Variants in PLCB4 observed in about 807,000 individuals in gnomAD.
The protein encoded by PLCB4 is phospholipase C beta 4.
In PLCB4, 77 loss-of-function variants were observed where a neutral mutation model predicts 178.8. That is an observed-to-expected ratio of 0.43 (90% CI 0.36 to 0.52). The LOEUF (loss-of-function observed/expected upper bound fraction) is 0.52. Among genes scored for constraint, PLCB4 ranks in the 20% least tolerant of loss-of-function variants. The pLI, the probability that PLCB4 is intolerant of heterozygous loss-of-function variation, is 0.00. For missense variants in PLCB4, 1,024 were observed against 1,453.4 expected (o/e 0.70, Z 4.80); for synonymous variants, 496 against 490.8 (o/e 1.01, Z -0.14).
At chr20:9,206,943 C>T (rs997411295) in intron 2 of PLCB4, among the ~76,000 whole-genome samples, 4 of 151,996 alleles carry the variant, frequency 2.6e-5, no homozygotes, top group Non-Finnish European at 4.4e-5. Flanking sequence ...ATGGTGAAAC[C>T]CCATCTCTAC....
At chr20:9,151,524 A>T (rs1202282534) in intron 2 of PLCB4, among the ~76,000 whole-genome samples, 1 of 152,144 alleles carries the variant, frequency 6.6e-6, no homozygotes, top group Non-Finnish European at 1.5e-5. Flanking sequence ...TGGGTTTATC[A>T]GGGGTTTCCA....
At chr20:9,177,153 A>G (rs77573430) in intron 2 of PLCB4, among the ~76,000 whole-genome samples, 3,091 of 152,312 alleles carry the variant, frequency 0.02, 53 homozygotes, top group African/African-American at 0.03. Context: ...TACACAGGTC[A>G]TTGTGACACT....
rs189373867 is a variant in PLCB4, at chr20:9,426,142, A to G, written c.2524+2190A>G. ...AAAATGTTTTTTTTCCCCTAGGAAA[A>G]AAAAGAAACTCATCAATATACATCA... On this transcript the variant is annotated intron_variant, in intron 28 of 39. Transcript: ENST00000378473. Among the ~76,000 whole-genome samples the G allele has an allele frequency of 9.9e-5, 15 of 152,238 alleles. No individual in the cohort carries two copies. The East Asian group carries it at 2.7e-3, about 27-fold the overall frequency.
At chr20:9,305,889 C>T (rs1432543288) in intron 3 of PLCB4, among the ~76,000 whole-genome samples, 2 of 152,138 alleles carry the variant, frequency 1.3e-5, no homozygotes, top group Non-Finnish European at 2.9e-5. Context: ...TATCTTTTCT[C>T]TTCCTGCATC....
At chr20:9,347,843 C>T (rs1183371267) in intron 7 of PLCB4, among the ~76,000 whole-genome samples, 1 of 152,004 alleles carries the variant, frequency 6.6e-6, no homozygotes, top group Non-Finnish European at 1.5e-5. Flanking sequence ...GCGTGGTGGC[C>T]CATGCCTGTA....
chr20:9,305,960 T>TG (rs773958844), intron 3 of PLCB4, among the ~76,000 whole-genome samples: 11 of 152,222 alleles, frequency 7.2e-5, no homozygotes, highest in Non-Finnish European at 1.2e-4. Context: ...GAGGTATATT[T>TG]GGGGGTGTAT....
intron 20 of PLCB4, among the ~76,000 whole-genome samples, chr20:9,402,767 G>A (rs1364126157): frequency 6.6e-6 from 1 of 152,198 alleles, no homozygotes; most frequent in Non-Finnish European, 1.5e-5. Context: ...GAAGAAGTGA[G>A]ATGACCCTCT....
intron 25 of PLCB4, 111 bp from the exon 26 acceptor site, chr20:9,419,696 C>T (rs777359361): frequency 2.0e-5 from 15 of 758,794 alleles, no homozygotes; most frequent in Non-Finnish European, 3.3e-5. Flanking sequence ...TGCCTAAAAT[C>T]CTAGCTCCTG....
chr20:9,376,960 G>C (rs1023156996), intron 12 of PLCB4, among the ~76,000 whole-genome samples: 4 of 152,102 alleles, frequency 2.6e-5, no homozygotes, highest in Admixed American at 6.6e-5. Context: ...ATTTTAAAAG[G>C]ACCCATGATC....
intron 3 of PLCB4, among the ~76,000 whole-genome samples, chr20:9,228,231 C>G (rs2093890394): frequency 6.6e-6 from 1 of 152,088 alleles, no homozygotes; most frequent in Admixed American, 6.5e-5. Context: ...ATTATAGAAG[C>G]AATTTTGAAA....
chr20:9,078,294 T>C (rs2089972974), intron 1 of PLCB4, among the ~76,000 whole-genome samples: 1 of 152,148 alleles, frequency 6.6e-6, no homozygotes, highest in African/African-American at 2.4e-5. Context: ...CTATGTTTTT[T>C]TGAAATGATA....
At chr20:9,274,070 A>G (rs1457202255) in intron 3 of PLCB4, among the ~76,000 whole-genome samples, 1 of 152,086 alleles carries the variant, frequency 6.6e-6, no homozygotes, top group Non-Finnish European at 1.5e-5. Context: ...TTGGCTGGAT[A>G]GGAGAGAAGA....
At chr20:9,425,287 C>T (rs538406509) in intron 28 of PLCB4, among the ~76,000 whole-genome samples, 11 of 152,284 alleles carry the variant, frequency 7.2e-5, no homozygotes, top group South Asian at 2.1e-4. Context: ...ACTCCACATA[C>T]GTGAGCTTAG....
intron 1 of PLCB4, among the ~76,000 whole-genome samples, chr20:9,081,637 C>G (rs1004617823): frequency 1.7e-4 from 26 of 152,082 alleles, no homozygotes; most frequent in East Asian, 3.9e-4. Context: ...CAGCATGACT[C>G]TCTTGGGAAA....
At chr20:9,164,658 G>T (rs111976013) in intron 2 of PLCB4, among the ~76,000 whole-genome samples, 3 of 152,178 alleles carry the variant, frequency 2.0e-5, no homozygotes. Flanking sequence ...AAAATAACTT[G>T]TGTGAAGTAG....
chr20:9,372,911 C>G, intron 11 of PLCB4, 136 bp from the exon 12 acceptor site: 1 of 501,116 alleles, frequency 2.0e-6, no homozygotes, highest in East Asian at 3.3e-5. Context: ...CAGTCTCTGG[C>G]CATTTTAAGA....
intron 2 of PLCB4, among the ~76,000 whole-genome samples, chr20:9,152,496 G>A (rs2092708281): frequency 1.3e-5 from 2 of 152,212 alleles, no homozygotes; most frequent in African/African-American, 2.4e-5. Flanking sequence ...AAGTGTAGAA[G>A]CCCTAAGCCT....
At chr20:9,254,499 A>G (rs2094213727) in intron 3 of PLCB4, among the ~76,000 whole-genome samples, 1 of 152,116 alleles carries the variant, frequency 6.6e-6, no homozygotes, top group South Asian at 2.1e-4. Context: ...GGAGTTCGAG[A>G]CCAGCCTGGG....
At chr20:9,390,506 A>G (rs754367657) in intron 16 of PLCB4, 25 bp from the exon 17 acceptor site, 1 of 1,261,608 alleles carries the variant, frequency 7.9e-7, no homozygotes, top group South Asian at 1.2e-5. Flanking sequence ...GTTTGAATTT[A>G]CAAATGCCAC....
Sources: allele counts gnomAD v4.1 joint callset (sites outside exome capture counted in the v4.1 genomes callset), GRCh38; gene constraint gnomAD v4.1.1; transcripts MANE v1.5; gene names NCBI Gene and HGNC (gene_info 2026-07-23, HGNC 2026-07-21).